ESRRA: variants seen among roughly 807,000 people sequenced by gnomAD.
The protein encoded by ESRRA is steroid hormone receptor ERR1.
ESRRA carries 7 observed loss-of-function variants against 35.6 expected under a neutral mutation model. The observed-to-expected ratio is 0.20, with a 90% CI of 0.11 to 0.37. The LOEUF (loss-of-function observed/expected upper bound fraction) is 0.37. Ranked by LOEUF, ESRRA falls within the 10% of genes least tolerant of loss-of-function variation. ESRRA has a pLI of 1.00. For synonymous variants in ESRRA, 223 were observed against 246.9 expected (o/e 0.90, Z 0.91); for missense variants, 378 against 561.7 (o/e 0.67, Z 3.31).
At chr11:64,307,568 A>G (rs900212162) in intron 2 of ESRRA, 64 bp downstream of exon 2, 12 of 1,262,006 alleles carry the variant, frequency 9.5e-6, no homozygotes, top group South Asian at 2.0e-5. Context: ...GCTGGGTGCA[A>G]TAGGCCCCCT....
At chr11:64,315,405 C>A in intron 6 of ESRRA, 135 bp downstream of exon 6, 2 of 1,153,326 alleles carry the variant, frequency 1.7e-6, no homozygotes, top group South Asian at 1.6e-5. Flanking sequence ...TGCTAGAAGT[C>A]AAAAAGCAAG....
At chr11:64,309,024 T>C (rs1427971094) in intron 2 of ESRRA, among the ~76,000 whole-genome samples, 1 of 151,658 alleles carries the variant, frequency 6.6e-6, no homozygotes, top group Non-Finnish European at 1.5e-5. Flanking sequence ...GACAGGAGAA[T>C]TGCTTGAACC....
intron 2 of ESRRA, among the ~76,000 whole-genome samples, chr11:64,312,490 G>A (rs1334564719): frequency 1.3e-5 from 2 of 152,160 alleles, no homozygotes; most frequent in South Asian, 4.1e-4. Flanking sequence ...AGGAGAAAAT[G>A]CACCGCGAGG....
In ESRRA at chr11:64,315,763, G is replaced by C; in HGVS notation, c.1069G>C (p.Glu357Gln). 1.2e-6 allele frequency: 2 copies of C among 1,613,890 alleles called. No homozygotes were observed. The highest frequency in any genetic ancestry group is 1.1e-5 in the South Asian group (1 of 91,076). Residue 357 changes from glutamate (E) to glutamine (Q), a missense_variant, in exon 7 of 7, where the codon GAG becomes CAG. Coordinates refer to ENST00000000442, the MANE Select transcript of ESRRA (RefSeq NM_004451.5). Reference sequence around the variant, plus strand: ...GGAGCAGCTGCGAGAAGCTCTGCACGAGGCCCTGCTGGAGTATGAAGCCGG... The same window carrying C: ...GGAGCAGCTGCGAGAAGCTCTGCACCAGGCCCTGCTGGAGTATGAAGCCGG... The part of the protein sequence containing the change: ...AVEQLREALH[E>Q]ALLEYEAGRA...
rs746798366 is a variant in ESRRA at position 64,314,996 on chromosome 11, C to T, written c.743-5C>T. The T allele has an allele frequency of 1.8e-5, 29 of 1,589,756 alleles. No individual in the cohort carries two copies. Among genetic ancestry groups the T allele is most frequent in the Non-Finnish European group, 2.5e-5 (29 of 1,167,800 alleles). On this transcript the variant is annotated splice_polypyrimidine_tract_variant and splice_region_variant and intron_variant, in intron 5 of 6. Transcript: ENST00000000442. The stretch of plus-strand genomic sequence containing the variant: ...CAGCCAGGCCCGCTCCCCGCTGCCC[C>T]CTAGGCTTCTCATCGCTGTCGCTGT...
At chr11:64,311,056 C>T (rs1434068431) in intron 2 of ESRRA, among the ~76,000 whole-genome samples, 1 of 152,200 alleles carries the variant, frequency 6.6e-6, no homozygotes, top group Non-Finnish European at 1.5e-5. Flanking sequence ...TGTCATGAAC[C>T]ATGCTGGATG....
chr11:64,310,536 GTTTTTT>G (rs1185768710), intron 2 of ESRRA, among the ~76,000 whole-genome samples: 10,753 of 99,606 alleles, frequency 0.11, 577 homozygotes, highest in Non-Finnish European at 0.16. Flanking sequence ...TCCTGGCCAG[GTTTTTT>G]TTTTTTTTTT....
At position 64,316,729 on chromosome 11, in the gene ESRRA, T is replaced by C. The variant is rs1455196292; in HGVS notation, c.*763T>C. ...CCTTTAATGAGAAAAAAATATATAA[T>C]ACCGAGCTCAAAAACACTGTGTTTG... On this transcript the variant is annotated 3_prime_UTR_variant, in exon 7 of 7. Coordinates refer to ENST00000000442, the MANE Select transcript of ESRRA (RefSeq NM_004451.5). The C allele has an allele frequency of 1.5e-6, 1 of 661,146 alleles. No homozygotes were observed. Among genetic ancestry groups the C allele is most frequent in the African/African-American group, 1.8e-5 (1 of 54,908 alleles). The allele number at this position is 661,146 out of a possible 1,614,324, so 41.0% of individuals were successfully genotyped here.
At chr11:64,308,239 A>T (rs1435659067) in intron 2 of ESRRA, among the ~76,000 whole-genome samples, 1 of 152,158 alleles carries the variant, frequency 6.6e-6, no homozygotes, top group Non-Finnish European at 1.5e-5. Context: ...GCAAGGCCGG[A>T]CACAGTTGCT....
chr11:64,311,923 T>C (rs2035147651), intron 2 of ESRRA, among the ~76,000 whole-genome samples: 1 of 149,292 alleles, frequency 6.7e-6, no homozygotes, highest in Admixed American at 6.7e-5. Context: ...CACCTCGTGA[T>C]CTGCCTGCCT....
At position 64,315,010 on chromosome 11, in the gene ESRRA, C is replaced by T. The variant is rs746024032; in HGVS notation, c.752C>T (p.Ser251Leu). The T allele has an allele frequency of 1.9e-5, 31 of 1,591,930 alleles. No homozygotes were observed. The highest frequency in any genetic ancestry group is 2.5e-5 in the Non-Finnish European group (29 of 1,168,910). ...SWAKSIPGFS[S>L]LSLSDQMSVL... ...CCCCGCTGCCCCCTAGGCTTCTCAT[C>T]GCTGTCGCTGTCTGACCAGATGTCA... is the stretch of plus-strand genomic sequence containing the variant. Residue 251 changes from serine (S) to leucine (L), a missense_variant, in exon 6 of 7, where the codon TCG (serine) becomes TTG (leucine). Around this residue, in one of 4 missense-constraint regions of ESRRA, gnomAD observed 284 missense variants for 411.7 expected, o/e 0.69. Coordinates refer to ENST00000000442, the MANE Select transcript of ESRRA (RefSeq NM_004451.5).
At position 64,315,748 on chromosome 11, in the gene ESRRA, C is replaced by T. The variant is rs1482273622; in HGVS notation, c.1054C>T (p.Arg352Ter). ...AGATGCCGAGGCTGTGGAGCAGCTG[C>T]GAGAAGCTCTGCACGAGGCCCTGCT... Reference protein sequence around the residue: ...IEDAEAVEQLREALHEALLEY... With the variant: ...IEDAEAVEQL The change falls in exon 7 of 7, where the codon CGA (arginine) becomes TGA (stop). Residue 352 changes from arginine (R) to a stop codon, truncating the protein, a stop_gained. Coordinates refer to ENST00000000442, the MANE Select transcript of ESRRA (RefSeq NM_004451.5). LOFTEE classifies it high-confidence loss of function. 5 of 1,613,768 alleles carry T rather than the reference C, an allele frequency of 3.1e-6. No individual in the cohort carries two copies. Among genetic ancestry groups the T allele is most frequent in the Non-Finnish European group, 2.5e-6 (3 of 1,179,798 alleles).
chr11:64,310,097 A>C (rs2035110383), intron 2 of ESRRA, among the ~76,000 whole-genome samples: 1 of 152,208 alleles, frequency 6.6e-6, no homozygotes, highest in African/African-American at 2.4e-5. Flanking sequence ...ACAACTAGGA[A>C]ATGGCAGAAC....
rs1208381658 is a variant in ESRRA, at chr11:64,313,319, C to T, written c.326-632C>T. ...CGGTCCGAGATGCCTTCTAGACATG[C>T]AGGATGTCAAGGAGGCAGCTGGAGA... On this transcript the variant is annotated intron_variant, in intron 2 of 6. Coordinates refer to ENST00000000442, the MANE Select transcript of ESRRA (RefSeq NM_004451.5). This position sits in a 1 kb window ranked among gnomAD's most constrained non-coding sequence, Gnocchi z 4.0. 1.3e-5 allele frequency among the ~76,000 whole-genome samples: 2 copies of T among 152,124 alleles called. No individual in the cohort carries two copies. Among genetic ancestry groups the T allele is most frequent in the Non-Finnish European group, 2.9e-5 (2 of 68,034 alleles).
rs752404387 is a variant in ESRRA at position 64,307,268 on chromosome 11, A to C, written c.89A>C (p.Glu30Ala). 1 of 1,613,528 alleles carries C rather than the reference A, an allele frequency of 6.2e-7. No individual in the cohort carries two copies. The highest frequency in any genetic ancestry group is 8.5e-7 in the Non-Finnish European group (1 of 1,179,832). ...AGTCCAAAGGGTTCCTCGGAGACAG[A>C]GACCGAGCCTCCTGTGGCCCTGGCC... The part of the protein sequence containing the change: ...PDSPKGSSET[E>A]TEPPVALAPG... The change falls in exon 2 of 7, where the codon GAG (glutamate) becomes GCG (alanine). Residue 30 changes from glutamate to alanine, a missense_variant. Glu to Ala is a moderately radical substitution (Grantham distance 107). This residue lies in a region of ESRRA where 87 missense variants were observed against 92.6 expected (regional missense o/e 0.94). Coordinates refer to ENST00000000442, the MANE Select transcript of ESRRA (RefSeq NM_004451.5).
chr11:64,316,311 C>T lies in ESRRA; in HGVS notation c.*345C>T, dbSNP rs901403285. ...GGGAAGGGGATGGAGGCCAGAGTCT[C>T]CCAGTGGGTGATGCTTTTGCTGCTG... is the stretch of plus-strand genomic sequence containing the variant. On this transcript the variant is annotated 3_prime_UTR_variant, in exon 7 of 7. Transcript: ENST00000000442. The T allele has an allele frequency of 3.8e-6, 1 of 264,684 alleles. No individual in the cohort carries two copies. Among genetic ancestry groups the T allele is most frequent in the Non-Finnish European group, 7.3e-6 (1 of 136,360 alleles). The allele number at this position is 264,684 out of a possible 1,614,324, so 16.4% of individuals were successfully genotyped here.
chr11:64,316,217 G>A lies in ESRRA; in HGVS notation c.*251G>A, dbSNP rs2035259396. ...GCAAGCCATAACGTGCCCCCAGAGT[G>A]TAGGGGGCCTTGCGGAAGCCATAGG... On this transcript the variant is annotated 3_prime_UTR_variant, in exon 7 of 7. Transcript: ENST00000000442. 1 of 454,706 alleles carries A rather than the reference G, an allele frequency of 2.2e-6. No homozygotes were observed. The highest frequency in any genetic ancestry group is 3.9e-6 in the Non-Finnish European group (1 of 255,116). The allele number at this position is 454,706 out of a possible 1,614,324, so 28.2% of individuals were successfully genotyped here.
chr11:64,307,056 G>A, intron 1 of ESRRA, 112 bp from the exon 2 acceptor site: 1 of 815,804 alleles, frequency 1.2e-6, no homozygotes, highest in Non-Finnish European at 1.9e-6. Context: ...TTCCCCACTT[G>A]CTGGGCTTGG....
In ESRRA at chr11:64,307,260, G is replaced by A. The variant is rs377634093; in HGVS notation, c.81G>A (p.Ser27=). The A allele has an allele frequency of 2.7e-5, 43 of 1,613,418 alleles. No individual in the cohort carries two copies. Among genetic ancestry groups the A allele is most frequent in the East Asian group, 6.7e-5 (3 of 44,896 alleles). ...GCCCTGACAGTCCAAAGGGTTCCTCGGAGACAGAGACCGAGCCTCCTGTGG... is the reference window on the plus strand; with the variant it reads ...GCCCTGACAGTCCAAAGGGTTCCTCAGAGACAGAGACCGAGCCTCCTGTGG... The part of the protein sequence containing the change: ...PASPDSPKGS[S]ETETEPPVAL... Residue 27 remains serine, a synonymous_variant, in exon 2 of 7, where the codon TCG becomes TCA. Coordinates refer to ENST00000000442, the MANE Select transcript of ESRRA (RefSeq NM_004451.5).
Sources: allele counts gnomAD v4.1 joint callset (sites outside exome capture counted in the v4.1 genomes callset), GRCh38; gene constraint gnomAD v4.1.1; regional missense constraint gnomAD v4.1.1; non-coding constraint Gnocchi (gnomAD v3.1); transcripts MANE v1.5; gene names NCBI Gene and HGNC (gene_info 2026-07-23, HGNC 2026-07-21).